ZNF587B: variants seen among roughly 807,000 people sequenced by gnomAD.
ZNF587B encodes zinc finger protein 587B.
A neutral mutation model predicts 7.2 loss-of-function variants in ZNF587B; 6 were observed. The ratio of observed to expected loss-of-function variants is 0.83; its 90% CI spans 0.46 to 1.65. The LOEUF (loss-of-function observed/expected upper bound fraction) is 1.65. ZNF587B is among the 40% of genes most tolerant of loss of function. ZNF587B has a pLI of 0.01. For missense variants in ZNF587B, 749 were observed against 761.0 expected, an observed-to-expected ratio of 0.98 and a Z score of 0.19; for synonymous variants, 274 against 254.3, an observed-to-expected ratio of 1.08 and a Z score of -0.74.
At chr19:57,837,530 G>C (rs1300707201) in intron 1 of ZNF587B, among the ~76,000 whole-genome samples, 2 of 151,002 alleles carry the variant, frequency 1.3e-5, no homozygotes, top group East Asian at 3.9e-4. Context: ...CTCACTGCAA[G>C]CTCCGCCTCC....
rs1988966360 is a variant in ZNF587B at position 57,843,668 on chromosome 19, C to CCTGGTTCATT, written c.*1093_*1102dup. 1.4e-6 allele frequency: 1 copy of CCTGGTTCATT among 700,744 alleles called. No homozygotes were observed. The highest frequency in any genetic ancestry group is 2.3e-5 in the African/African-American group (1 of 43,790). 43.4% of individuals were successfully genotyped at this position (700,744 alleles called of 1,614,324 possible). The stretch of plus-strand genomic sequence containing the variant: ...CGATACTGGAGTGCAGTGGTGTGAT[C>CCTGGTTCATT]CTGGTTCATTGCAACCTCTGCCTCC... On this transcript the variant is annotated 3_prime_UTR_variant, in exon 3 of 3. Transcript: ENST00000594901.
In ZNF587B at chr19:57,839,131, G is replaced by A. The variant is rs774871988; in HGVS notation, c.145G>A (p.Ala49Thr). 2 of 1,614,050 alleles carry A rather than the reference G, an allele frequency of 1.2e-6. No homozygotes were observed. Among genetic ancestry groups the A allele is most frequent in the African/African-American group, 2.7e-5 (2 of 74,922 alleles). ...CCGTGATGTGACTCTGGAGAACCTGGCACTTATGTCCTCCCTGGGTAAGTT... is the reference window on the plus strand; with the variant it reads ...CCGTGATGTGACTCTGGAGAACCTGACACTTATGTCCTCCCTGGGTAAGTT... ...LYRDVTLENL[A>T]LMSSLGCWCG... The change falls in exon 2 of 3, where the codon GCA becomes ACA. Residue 49 changes from alanine to threonine, a missense_variant. Around this residue, in one of 3 missense-constraint regions of ZNF587B, gnomAD observed 72 missense variants for 147.8 expected, o/e 0.49. Coordinates refer to ENST00000594901, the MANE Select transcript of ZNF587B (RefSeq NM_001376223.1).
At position 57,843,589 on chromosome 19, in the gene ZNF587B, TG is replaced by T. The variant is rs1447241538; in HGVS notation, c.*1014del. On this transcript the variant is annotated 3_prime_UTR_variant, in exon 3 of 3. Coordinates refer to ENST00000594901, the MANE Select transcript of ZNF587B (RefSeq NM_001376223.1). ...TTGGTTGGTTGGTTGGTTGGTTGGT[TG>T]TTTTTTTTTGTTTTTTTTTTTTTTT... 16,386 of 816,444 alleles carry T rather than the reference TG, an allele frequency of 0.02. 867 individuals carry two copies. The highest frequency in any genetic ancestry group is 0.034 in the African/African-American group (1,165 of 33,774). The allele number at this position is 816,444 out of a possible 1,614,324, so 50.6% of individuals were successfully genotyped here. A position where few individuals can be genotyped will look rare whatever the true frequency, so the allele number is the denominator to read the frequency against.
At position 57,842,475 on chromosome 19, in the gene ZNF587B, A is replaced by G. The variant is rs1988900385; in HGVS notation, c.1801A>G (p.Thr601Ala). 1 of 1,594,718 alleles carries G rather than the reference A, an allele frequency of 6.3e-7. No individual in the cohort carries two copies. Among genetic ancestry groups the G allele is most frequent in the Non-Finnish European group, 8.5e-7 (1 of 1,173,452 alleles). ...TCTCACTAATCACAGGAGAGTTCAC[A>G]CTGGAGAAAAGCCTTATGGGTGTAG... ...SSLTNHRRVHTGEKPYGCSEC... is the reference protein window; with the variant it reads ...SSLTNHRRVHAGEKPYGCSEC... Residue 601 changes from threonine to alanine, a missense_variant, in exon 3 of 3, where the codon ACT (threonine) becomes GCT (alanine). By Grantham distance (58) the Thr-to-Ala change is moderately conservative. Around this residue, in one of 3 missense-constraint regions of ZNF587B, gnomAD observed 656 missense variants for 596.5 expected, o/e 1.10. Transcript: ENST00000594901.
chr19:57,840,110 A>G (rs1398428409), intron 2 of ZNF587B, among the ~76,000 whole-genome samples: 8 of 139,512 alleles, frequency 5.7e-5, no homozygotes, highest in Non-Finnish European at 1.2e-4. Context: ...AAAAAAAAAA[A>G]AAGCAGCACC....
Position 57,845,786 on chromosome 19 carries a change from C to T in ZNF587B, c.*3210C>T, listed in dbSNP as rs1220581285. On this transcript the variant is annotated 3_prime_UTR_variant, in exon 3 of 3. Transcript: ENST00000594901. ...CCCAGCACTTTGGGAGGCCAGATTCCTTGAGACCAGTGTGGGGAACATGGC... is the reference window on the plus strand; with the variant it reads ...CCCAGCACTTTGGGAGGCCAGATTCTTTGAGACCAGTGTGGGGAACATGGC... 1.3e-5 allele frequency: 2 copies of T among 152,076 alleles called. No homozygotes were observed. The highest frequency in any genetic ancestry group is 4.8e-5 in the African/African-American group (2 of 41,384). The allele number at this position is 152,076 out of a possible 1,614,324, so 9.4% of individuals were successfully genotyped here. A position where few individuals can be genotyped will look rare whatever the true frequency, so the allele number is the denominator to read the frequency against.
Position 57,842,250 on chromosome 19 carries a change from G to A in ZNF587B, c.1576G>A (p.Asp526Asn), listed in dbSNP as rs562728438. ...HTGERPYECS[D>N]CGKSFTHSCA... ...TGGAGAAAGGCCATATGAATGCAGT[G>A]ATTGTGGGAAGTCATTTACCCACAG... The change falls in exon 3 of 3, where the codon GAT (aspartate) becomes AAT (asparagine). Residue 526 changes from aspartate (D) to asparagine (N), a missense_variant. This residue lies in a region of ZNF587B where 656 missense variants were observed against 596.5 expected (regional missense o/e 1.10). Transcript: ENST00000594901. 1 of 1,613,560 alleles carries A rather than the reference G, an allele frequency of 6.2e-7. No individual in the cohort carries two copies. Among genetic ancestry groups the A allele is most frequent in the South Asian group, 1.1e-5 (1 of 91,044 alleles).
intron 1 of ZNF587B, among the ~76,000 whole-genome samples, chr19:57,837,499 A>T (rs1436568453): frequency 1.3e-5 from 2 of 148,540 alleles, no homozygotes; most frequent in South Asian, 2.1e-4. Flanking sequence ...CCCAGGCTGG[A>T]GTGCAGTGGT....
rs757728844 is a variant in ZNF587B at position 57,842,724 on chromosome 19, A to C, written c.*148A>C. On this transcript the variant is annotated 3_prime_UTR_variant, in exon 3 of 3. Coordinates refer to ENST00000594901, the MANE Select transcript of ZNF587B (RefSeq NM_001376223.1). The stretch of plus-strand genomic sequence containing the variant: ...GAGTTCACACCAGAGAAAAGTCCTT[A>C]CAAGTAAAATAAATTTGGCAGTTTT... 1.6e-4 allele frequency: 208 copies of C among 1,281,970 alleles called. No homozygotes were observed. The highest frequency in any genetic ancestry group is 1.9e-4 in the Non-Finnish European group (193 of 1,018,314). The allele number at this position is 1,281,970 out of a possible 1,614,324, so 79.4% of individuals were successfully genotyped here.
At chr19:57,839,671 A>G (rs1429059487) in intron 2 of ZNF587B, among the ~76,000 whole-genome samples, 2 of 151,956 alleles carry the variant, frequency 1.3e-5, no homozygotes, top group African/African-American at 4.8e-5. Flanking sequence ...TGCATCATTC[A>G]TGTCCCATGT....
At chr19:57,837,163 A>G (rs953542092) in intron 1 of ZNF587B, among the ~76,000 whole-genome samples, 21 of 152,024 alleles carry the variant, frequency 1.4e-4, no homozygotes, top group Non-Finnish European at 4.4e-5. Context: ...CTTGCATGCC[A>G]TGGCCGTGGT....
rs1039852921 is a variant in ZNF587B at position 57,844,426 on chromosome 19, C to T, written c.*1850C>T. The T allele has an allele frequency of 3.2e-5, 9 of 282,890 alleles. No individual in the cohort carries two copies. Among genetic ancestry groups the T allele is most frequent in the South Asian group, 1.1e-4 (4 of 37,422 alleles). The allele number at this position is 282,890 out of a possible 1,614,324, so 17.5% of individuals were successfully genotyped here. On this transcript the variant is annotated 3_prime_UTR_variant, in exon 3 of 3. Coordinates refer to ENST00000594901, the MANE Select transcript of ZNF587B (RefSeq NM_001376223.1). ...TGAGGCAGGAAAATTGCTTGAACCC[C>T]GGGAGGTAGAGGTTGCAGTGAGCTG...
At chr19:57,837,261 C>CT (rs112068491) in intron 1 of ZNF587B, among the ~76,000 whole-genome samples, 4,096 of 143,966 alleles carry the variant, frequency 0.028, 107 homozygotes, top group Admixed American at 0.065. Flanking sequence ...TATGTGATAC[C>CT]TTTTTTTTTT....
At chr19:57,839,295 G>A in intron 2 of ZNF587B, 146 bp downstream of exon 2, 7 of 1,323,922 alleles carry the variant, frequency 5.3e-6, no homozygotes, top group Non-Finnish European at 7.2e-6. Flanking sequence ...TAGGACTGAG[G>A]TGTACATACT....
At chr19:57,835,573 G>A (rs1031304384) in intron 1 of ZNF587B, among the ~76,000 whole-genome samples, 12 of 137,510 alleles carry the variant, frequency 8.7e-5, no homozygotes, top group African/African-American at 3.4e-4. Context: ...TATTGGTCAG[G>A]CTGGTCTTGA....
rs1337851468 is a variant in ZNF587B, at chr19:57,845,759, T to C, written c.*3183T>C. On this transcript the variant is annotated 3_prime_UTR_variant, in exon 3 of 3. Coordinates refer to ENST00000594901, the MANE Select transcript of ZNF587B (RefSeq NM_001376223.1). ...CTGAGCATCATGGCTCATGCCTGTA[T>C]TCCCAGCACTTTGGGAGGCCAGATT... The C allele has an allele frequency of 6.6e-6, 1 of 152,180 alleles. No homozygotes were observed. Among genetic ancestry groups the C allele is most frequent in the African/African-American group, 2.4e-5 (1 of 41,444 alleles). 9.4% of individuals were successfully genotyped at this position (152,180 alleles called of 1,614,324 possible). A position where few individuals can be genotyped will look rare whatever the true frequency, so the allele number is the denominator to read the frequency against.
Position 57,846,121 on chromosome 19 carries a change from T to C in ZNF587B, c.*3545T>C, listed in dbSNP as rs1204568288. The C allele has an allele frequency of 6.6e-6, 1 of 152,220 alleles. No individual in the cohort carries two copies. Among genetic ancestry groups the C allele is most frequent in the Non-Finnish European group, 1.5e-5 (1 of 68,026 alleles). 9.4% of individuals were successfully genotyped at this position (152,220 alleles called of 1,614,324 possible). ...ATCACCTTTGTATTTACTTGGAGCC[T>C]TTATAAAGTTTTTCTCTCTGCTCTT... On this transcript the variant is annotated 3_prime_UTR_variant, in exon 3 of 3. Coordinates refer to ENST00000594901, the MANE Select transcript of ZNF587B (RefSeq NM_001376223.1).
chr19:57,836,417 G>A (rs4801520), intron 1 of ZNF587B, among the ~76,000 whole-genome samples: 118,693 of 127,108 alleles, frequency 0.93, 55,172 homozygotes, highest in East Asian at 0.96. Flanking sequence ...TTAAGGCCCA[G>A]TGTGATTTGC....
Position 57,844,311 on chromosome 19 carries a change from T to C in ZNF587B, c.*1735T>C, listed in dbSNP as rs1410117472. 2 of 372,482 alleles carry C rather than the reference T, an allele frequency of 5.4e-6. No individual in the cohort carries two copies. Among genetic ancestry groups the C allele is most frequent in the Non-Finnish European group, 1.1e-5 (2 of 188,328 alleles). The allele number at this position is 372,482 out of a possible 1,614,324, so 23.1% of individuals were successfully genotyped here. ...GACAGGAAGGAGTTCAAGACCAGCCTGGGCAATATAGTGAAATCCTGTCTC... is the reference window on the plus strand; with the variant it reads ...GACAGGAAGGAGTTCAAGACCAGCCCGGGCAATATAGTGAAATCCTGTCTC... On this transcript the variant is annotated 3_prime_UTR_variant, in exon 3 of 3. Coordinates refer to ENST00000594901, the MANE Select transcript of ZNF587B (RefSeq NM_001376223.1).
Sources: gnomAD v4.1 joint callset for allele counts (sites outside exome capture counted in the v4.1 genomes callset) on GRCh38, gnomAD v4.1.1 for gene constraint, gnomAD v4.1.1 regional missense constraint, MANE v1.5 for transcripts, NCBI Gene and HGNC (gene_info 2026-07-23, HGNC 2026-07-21) for gene names.